ITGAL: variants seen among roughly 807,000 people sequenced by gnomAD.
The protein encoded by ITGAL is integrin alpha-L.
Under a neutral mutation model 138.4 loss-of-function variants are expected in ITGAL, and 68 were observed. The observed-to-expected ratio is 0.49, with a 90% CI of 0.40 to 0.60. ITGAL has a LOEUF of 0.60. Ranked by LOEUF, ITGAL falls within the 20% of genes least tolerant of loss-of-function variation. ITGAL has a pLI of 0.00. For missense variants in ITGAL, 1,256 were observed against 1,478.6 expected, an observed-to-expected ratio of 0.85 and a Z score of 2.47; for synonymous variants, 561 against 584.3, an observed-to-expected ratio of 0.96 and a Z score of 0.57.
At chr16:30,513,907 T>A in intron 25 of ITGAL, 61 bp downstream of exon 25, 1 of 1,293,180 alleles carries the variant, frequency 7.7e-7, no homozygotes, top group East Asian at 2.3e-5. Context: ...TCCCGGGGAC[T>A]GAGGATGCAG....
chr16:30,496,505 C>A lies in ITGAL; in HGVS notation c.1771C>A (p.Leu591Ile). 6.2e-7 allele frequency: 1 copy of A among 1,612,784 alleles called. No homozygotes were observed. Among genetic ancestry groups the A allele is most frequent in the East Asian group, 2.2e-5 (1 of 44,722 alleles). ...ACGCTCCATCCATGGGGTGAAGGAC[C>A]TTGAAGGGGATGGCTTGGCAGATGT... Reference protein sequence around the residue: ...FGRSIHGVKDLEGDGLADVAV... With the variant: ...FGRSIHGVKDIEGDGLADVAV... Residue 591 changes from leucine (L) to isoleucine (I), a missense_variant, in exon 15 of 31, where the codon CTT (leucine) becomes ATT (isoleucine). By Grantham distance (5) the Leu-to-Ile change is conservative (BLOSUM62 2). This residue lies in a region of ITGAL where 867 missense variants were observed against 972.5 expected (regional missense o/e 0.89). Transcript: ENST00000356798.
intron 11 of ITGAL, among the ~76,000 whole-genome samples, chr16:30,489,948 C>T (rs534194411): frequency 6.8e-6 from 1 of 146,226 alleles, no homozygotes; most frequent in African/African-American, 2.5e-5. Context: ...CAAACAGGGC[C>T]GAGCACAGTG....
Position 30,472,753 on chromosome 16 carries a change from C to A in ITGAL, c.-85C>A. 8.0e-7 allele frequency: 1 copy of A among 1,255,960 alleles called. No individual in the cohort carries two copies. The highest frequency in any genetic ancestry group is 1.2e-6 in the Non-Finnish European group (1 of 868,526). 77.8% of individuals were successfully genotyped at this position (1,255,960 alleles called of 1,614,324 possible). A position where few individuals can be genotyped will look rare whatever the true frequency, so the allele number is the denominator to read the frequency against. On this transcript the variant is annotated 5_prime_UTR_variant, in exon 1 of 31. Coordinates refer to ENST00000356798, the MANE Select transcript of ITGAL (RefSeq NM_002209.3). ...GGCCAAAGGGCATGATCATTTTCCT[C>A]TTTCACCCTGTCTAGGTTGCCAGCA...
At chr16:30,520,334 T>C (rs1452423685) in intron 30 of ITGAL, among the ~76,000 whole-genome samples, 1 of 151,764 alleles carries the variant, frequency 6.6e-6, no homozygotes, top group African/African-American at 2.4e-5. Flanking sequence ...ACTCGGGAGG[T>C]TGAGGTGGGA....
Position 30,517,847 on chromosome 16 carries a change from G to T in ITGAL, c.3084G>T (p.Glu1028Asp). ...GCTGCCCTGTTGTCTTCAGGCAGGA[G>T]ATCCTCGTCCAAGTGATCGGGACTC... ...LFRCPVVFRQ[E>D]ILVQVIGTLE... Residue 1028 changes from glutamate to aspartate, a missense_variant, in exon 28 of 31, where the codon GAG becomes GAT. Around this residue, in one of 3 missense-constraint regions of ITGAL, gnomAD observed 867 missense variants for 972.5 expected, o/e 0.89. Transcript: ENST00000356798. 6.2e-7 allele frequency: 1 copy of T among 1,614,164 alleles called. No individual in the cohort carries two copies.
At chr16:30,481,009 G>A (rs2050545580) in intron 6 of ITGAL, 1 of 178,314 alleles carries the variant, frequency 5.6e-6, no homozygotes, top group Admixed American at 6.1e-5. Flanking sequence ...AAAAGAAGAA[G>A]TAGAGTTTGG....
At chr16:30,520,031 G>A (rs898558442) in intron 30 of ITGAL, 64 bp downstream of exon 30, 83 of 1,223,804 alleles carry the variant, frequency 6.8e-5, no homozygotes, top group Non-Finnish European at 9.5e-5. Flanking sequence ...GGATCTGGTG[G>A]GAGCCAGGGA....
In ITGAL at chr16:30,496,453, A is replaced by C. The variant is rs1285022878; in HGVS notation, c.1719A>C (p.Gln573His). 2 of 1,613,738 alleles carry C rather than the reference A, an allele frequency of 1.2e-6. No individual in the cohort carries two copies. The highest frequency in any genetic ancestry group is 1.7e-6 in the Non-Finnish European group (2 of 1,179,928). The change falls in exon 15 of 31, where the codon CAA becomes CAC. Residue 573 changes from glutamine (Q) to histidine (H), a missense_variant. By Grantham distance (24) the Gln-to-His change is conservative. Around this residue, in one of 3 missense-constraint regions of ITGAL, gnomAD observed 867 missense variants for 972.5 expected, o/e 0.89. Coordinates refer to ENST00000356798, the MANE Select transcript of ITGAL (RefSeq NM_002209.3). ...GCTCTCAGCGGATAGAAGGGACCCA[A>C]GTGCTCTCAGGAATTCAGTGGTTTG... ...PQPSQRIEGT[Q>H]VLSGIQWFGR...
intron 15 of ITGAL, among the ~76,000 whole-genome samples, chr16:30,497,804 A>G (rs1166828962): frequency 6.8e-6 from 1 of 147,350 alleles, no homozygotes; most frequent in Admixed American, 6.8e-5. Flanking sequence ...TTAATTGGCC[A>G]GGTATGGTGG....
At chr16:30,479,024 G>A (rs2050514751) in intron 4 of ITGAL, 67 bp from the exon 5 acceptor site, 1 of 1,165,830 alleles carries the variant, frequency 8.6e-7, no homozygotes, top group African/African-American at 1.5e-5. Context: ...TCCTAGTTTT[G>A]GTTGATGTTG....
chr16:30,475,963 AC>A (rs573677719), intron 4 of ITGAL, among the ~76,000 whole-genome samples: 164 of 151,828 alleles, frequency 1.1e-3, no homozygotes, highest in African/African-American at 3.6e-3. Flanking sequence ...TGTTGCCCAG[AC>A]TGGTCTTGAG....
intron 26 of ITGAL, 128 bp from the exon 27 acceptor site, chr16:30,517,521 C>T (rs1232266866): frequency 1.3e-6 from 1 of 750,834 alleles, no homozygotes. Flanking sequence ...TGGATGAATT[C>T]AGGTCCTGCT....
At chr16:30,479,548 G>A (rs1374609209) in intron 6 of ITGAL, 87 bp downstream of exon 6, 2 of 1,335,368 alleles carry the variant, frequency 1.5e-6, no homozygotes, top group South Asian at 2.6e-5. Flanking sequence ...GTTAGTATGT[G>A]GAATCCTCAG....
In ITGAL at chr16:30,496,482, G is replaced by C; in HGVS notation, c.1748G>C (p.Arg583Pro). The C allele has an allele frequency of 6.2e-7, 1 of 1,613,602 alleles. No individual in the cohort carries two copies. Among genetic ancestry groups the C allele is most frequent in the Non-Finnish European group, 8.5e-7 (1 of 1,179,838 alleles). The change falls in exon 15 of 31, where the codon CGC becomes CCC. Residue 583 changes from arginine (R) to proline (P), a missense_variant. Physicochemically the swap from Arg to Pro is moderately radical, Grantham distance 103 (BLOSUM62 -2). This residue lies in a region of ITGAL where 867 missense variants were observed against 972.5 expected (regional missense o/e 0.89). Coordinates refer to ENST00000356798, the MANE Select transcript of ITGAL (RefSeq NM_002209.3). ...QVLSGIQWFGRSIHGVKDLEG... is the reference protein window; with the variant it reads ...QVLSGIQWFGPSIHGVKDLEG... Reference sequence around the variant, plus strand: ...CTCTCAGGAATTCAGTGGTTTGGACGCTCCATCCATGGGGTGAAGGACCTT... The same window carrying C: ...CTCTCAGGAATTCAGTGGTTTGGACCCTCCATCCATGGGGTGAAGGACCTT...
At position 30,494,356 on chromosome 16, in the gene ITGAL, G is replaced by C; in HGVS notation, c.1358G>C (p.Gly453Ala). 6.2e-7 allele frequency: 1 copy of C among 1,606,114 alleles called. No homozygotes were observed. The highest frequency in any genetic ancestry group is 8.5e-7 in the Non-Finnish European group (1 of 1,174,268). The change falls in exon 12 of 31, where the codon GGG becomes GCG. Residue 453 changes from glycine to alanine, a missense_variant. Transcript: ENST00000356798. The surrounding 1 kb of genome is among the most constrained non-coding windows in gnomAD (Gnocchi z 4.2). ...GHWSQVQTIH[G>A]TQIGSYFGGE... ...TGGAGCCAGGTCCAGACAATCCATG[G>C]GACCCAGGTGCGCCCAGTCCGAGGG...
rs367958169 is a variant in ITGAL at position 30,521,662 on chromosome 16, C to G, written c.3510C>G (p.Asp1170Glu). ...EKDSESGGGK[D>E] The stretch of plus-strand genomic sequence containing the variant: ...ACTCTGAGAGTGGTGGTGGCAAGGA[C>G]TGAGTCCAGGCCTGTGAGGTGCAGA... Residue 1170 changes from aspartate (D) to glutamate (E), a missense_variant, in exon 31 of 31, where the codon GAC (aspartate) becomes GAG (glutamate). Asp to Glu is a conservative substitution (Grantham distance 45). Transcript: ENST00000356798. The G allele has an allele frequency of 8.7e-6, 14 of 1,613,650 alleles. No homozygotes were observed. The highest frequency in any genetic ancestry group is 3.3e-5 in the South Asian group (3 of 91,044).
At position 30,496,078 on chromosome 16, in the gene ITGAL, G is replaced by A; in HGVS notation, c.1504-19G>A. 6.2e-7 allele frequency: 1 copy of A among 1,608,470 alleles called. No homozygotes were observed. The highest frequency in any genetic ancestry group is 1.1e-5 in the South Asian group (1 of 90,944). The stretch of plus-strand genomic sequence containing the variant: ...ATGCTGAGTGACTTGGGTGTGACCT[G>A]TCTCTTGCTACTTCCTAGTTGGGGT... On this transcript the variant is annotated intron_variant, in intron 13 of 30. Transcript: ENST00000356798.
chr16:30,499,676 T>A (rs1482843146), intron 17 of ITGAL, 187 bp downstream of exon 17: 2 of 143,754 alleles, frequency 1.4e-5, no homozygotes, highest in Non-Finnish European at 2.7e-5. Flanking sequence ...TATATATATG[T>A]GTATATATAT....
chr16:30,505,718 A>T (rs1167757957), intron 20 of ITGAL, among the ~76,000 whole-genome samples: 1 of 151,146 alleles, frequency 6.6e-6, no homozygotes, highest in Non-Finnish European at 1.5e-5. Context: ...CCCTGTCACT[A>T]AAAAAAAATT....
Sources: gnomAD v4.1 joint callset for allele counts (sites outside exome capture counted in the v4.1 genomes callset) on GRCh38, gnomAD v4.1.1 for gene constraint, gnomAD v4.1.1 regional missense constraint, Gnocchi (gnomAD v3.1) non-coding constraint, MANE v1.5 for transcripts, NCBI Gene and HGNC (gene_info 2026-07-23, HGNC 2026-07-21) for gene names.